Variants in ZFPM2 observed in about 807,000 individuals in gnomAD.
ZFPM2 encodes zinc finger protein ZFPM2.
Under a neutral mutation model 98.6 loss-of-function variants are expected in ZFPM2, and 20 were observed. That is an observed-to-expected ratio of 0.20 (90% CI 0.14 to 0.29). The LOEUF (loss-of-function observed/expected upper bound fraction) is 0.29. ZFPM2 is among the 10% of genes least tolerant of loss of function. The pLI, the probability that ZFPM2 is intolerant of heterozygous loss-of-function variation, is 1.00. For synonymous variants in ZFPM2, 518 were observed against 502.7 expected, an observed-to-expected ratio of 1.03 and a Z score of -0.41; for missense variants, 1,310 against 1,388.6, an observed-to-expected ratio of 0.94 and a Z score of 0.90.
At chr8:105,417,918 G>T (rs1183557845) in intron 1 of ZFPM2, among the ~76,000 whole-genome samples, 3 of 152,114 alleles carry the variant, frequency 2.0e-5, no homozygotes, top group African/African-American at 7.2e-5. Context: ...AAGAGACTCT[G>T]TAAGAAATTT....
At chr8:105,608,886 C>G (rs1039427747) in intron 4 of ZFPM2, among the ~76,000 whole-genome samples, 7 of 151,770 alleles carry the variant, frequency 4.6e-5, no homozygotes, top group African/African-American at 1.7e-4. Flanking sequence ...TGAACATTAA[C>G]TATTTTTTTA....
intron 5 of ZFPM2, among the ~76,000 whole-genome samples, chr8:105,768,722 A>G (rs1228757757): frequency 6.6e-6 from 1 of 151,966 alleles, no homozygotes; most frequent in Non-Finnish European, 1.5e-5. Flanking sequence ...TAATAAAAAT[A>G]CCTACCTTGT....
chr8:105,319,572 C>CGGG (rs1490425970), intron 1 of ZFPM2: 1 of 152,522 alleles, frequency 6.6e-6, no homozygotes, highest in African/African-American at 2.4e-5. Flanking sequence ...CGGCGGGCGG[C>CGGG]CGTGCGTCTC....
intron 2 of ZFPM2, among the ~76,000 whole-genome samples, chr8:105,442,918 A>G (rs972699315): frequency 2.0e-5 from 3 of 151,026 alleles, no homozygotes; most frequent in Non-Finnish European, 4.4e-5. Context: ...TTGTATAATC[A>G]TATAAAGATT....
intron 5 of ZFPM2, among the ~76,000 whole-genome samples, chr8:105,778,231 C>T (rs1813151655): frequency 6.6e-6 from 1 of 151,934 alleles, no homozygotes; most frequent in South Asian, 2.1e-4. Flanking sequence ...GTGTTCATGC[C>T]TAGACCCTGA....
chr8:105,330,493 C>T lies in ZFPM2; in HGVS notation c.40+11512C>T, dbSNP rs1291461049. Among the ~76,000 whole-genome samples, 16 of 145,344 alleles carry T rather than the reference C, an allele frequency of 1.1e-4. 1 individual carries two copies. Among genetic ancestry groups the T allele is most frequent in the Non-Finnish European group, 1.5e-4 (10 of 66,270 alleles). ...GCATAAGAAAATGACCTAGTTTCTTCTATATAGATTTATATGGAACAAAAC... is the reference window on the plus strand; with the variant it reads ...GCATAAGAAAATGACCTAGTTTCTTTTATATAGATTTATATGGAACAAAAC... On this transcript the variant is annotated intron_variant, in intron 1 of 7. Coordinates refer to ENST00000407775, the MANE Select transcript of ZFPM2 (RefSeq NM_012082.4).
intron 5 of ZFPM2, among the ~76,000 whole-genome samples, chr8:105,646,266 T>C (rs1234284288): frequency 6.6e-6 from 1 of 152,082 alleles, no homozygotes; most frequent in Non-Finnish European, 1.5e-5. Flanking sequence ...AACCACTCTG[T>C]GGTTAGCAGT....
At chr8:105,546,585 C>CACAA (rs1174532017) in intron 3 of ZFPM2, among the ~76,000 whole-genome samples, 1 of 131,640 alleles carries the variant, frequency 7.6e-6, no homozygotes, top group African/African-American at 3.0e-5. Context: ...AAAAAAAAAA[C>CACAA]AAACCCAAAA....
At chr8:105,681,122 A>C (rs1810590176) in intron 5 of ZFPM2, among the ~76,000 whole-genome samples, 1 of 152,210 alleles carries the variant, frequency 6.6e-6, no homozygotes, top group South Asian at 2.1e-4. Context: ...TCTTTATGAT[A>C]ATCAAAACTC....
At chr8:105,527,112 C>T (rs1814190687) in intron 3 of ZFPM2, among the ~76,000 whole-genome samples, 1 of 152,056 alleles carries the variant, frequency 6.6e-6, no homozygotes, top group Non-Finnish European at 1.5e-5. Flanking sequence ...GTTAAATAAA[C>T]AAAAATAGCA....
chr8:105,393,333 T>TGTCTGTCTGTC (rs370622164), intron 1 of ZFPM2, among the ~76,000 whole-genome samples: 6 of 92,990 alleles, frequency 6.5e-5, no homozygotes, highest in African/African-American at 2.5e-4. Context: ...TCTCTCTCTC[T>TGTCTGTCTGTC]TTGCCTTTCT....
intron 3 of ZFPM2, among the ~76,000 whole-genome samples, chr8:105,546,325 C>T (rs1465259659): frequency 6.6e-6 from 1 of 151,930 alleles, no homozygotes; most frequent in African/African-American, 2.4e-5. Context: ...ACCTGTAATC[C>T]CAGCACTTTG....
At chr8:105,738,986 G>A (rs919911137) in intron 5 of ZFPM2, among the ~76,000 whole-genome samples, 1 of 152,012 alleles carries the variant, frequency 6.6e-6, no homozygotes, top group Admixed American at 6.6e-5. Context: ...AATCTATACA[G>A]ACTGATTAGT....
chr8:105,509,139 A>G (rs1216335152), intron 3 of ZFPM2, among the ~76,000 whole-genome samples: 1 of 152,206 alleles, frequency 6.6e-6, no homozygotes, highest in Non-Finnish European at 1.5e-5. Flanking sequence ...AATAGGTGTT[A>G]TCTGATTGGG....
chr8:105,367,082 A>T (rs1810527741), intron 1 of ZFPM2, among the ~76,000 whole-genome samples: 1 of 123,588 alleles, frequency 8.1e-6, no homozygotes, highest in Non-Finnish European at 1.6e-5. Flanking sequence ...CCATTGATCT[A>T]TATCTCTGTT....
chr8:105,703,461 C>A (rs994081700), intron 5 of ZFPM2, among the ~76,000 whole-genome samples: 1 of 151,900 alleles, frequency 6.6e-6, no homozygotes, highest in Non-Finnish European at 1.5e-5. Flanking sequence ...AGACGGAGAA[C>A]GAAGGGAAGG....
intron 3 of ZFPM2, among the ~76,000 whole-genome samples, chr8:105,506,615 T>C (rs1329456925): frequency 1.3e-5 from 2 of 152,326 alleles, no homozygotes; most frequent in Middle Eastern, 3.4e-3. Context: ...TGGTGTTTTT[T>C]TACTTATAAG....
chr8:105,783,470 A>G (rs769266835), intron 5 of ZFPM2, among the ~76,000 whole-genome samples: 2 of 152,052 alleles, frequency 1.3e-5, no homozygotes, highest in Non-Finnish European at 1.5e-5. Context: ...TTGTTGTGCA[A>G]CTATTACCAC....
chr8:105,464,887 T>C (rs1366043437), intron 3 of ZFPM2, among the ~76,000 whole-genome samples: 1 of 151,766 alleles, frequency 6.6e-6, no homozygotes, highest in Non-Finnish European at 1.5e-5. Flanking sequence ...GGGAATTTCT[T>C]CTTCTGGAGC....
Sources: gnomAD v4.1 joint callset for allele counts (sites outside exome capture counted in the v4.1 genomes callset) on GRCh38, gnomAD v4.1.1 for gene constraint, MANE v1.5 for transcripts, NCBI Gene and HGNC (gene_info 2026-07-23, HGNC 2026-07-21) for gene names.